The following TSPAN8 variants were observed in gnomAD, a reference collection of about 807,000 sequenced individuals.
TSPAN8 encodes tetraspanin 8.
In TSPAN8, 21 loss-of-function variants were observed where a neutral mutation model predicts 32.8. The ratio of observed to expected loss-of-function variants is 0.64; its 90% CI spans 0.45 to 0.92. TSPAN8 has a LOEUF of 0.92. TSPAN8 is among the 40% of genes least tolerant of loss of function. The pLI is 0.00. For synonymous variants in TSPAN8, 95 were observed against 94.6 expected, an observed-to-expected ratio of 1.00 and a Z score of -0.03; for missense variants, 269 against 281.9, an observed-to-expected ratio of 0.95 and a Z score of 0.33.
intron 6 of TSPAN8, among the ~76,000 whole-genome samples, chr12:71,135,522 G>GAA: frequency 1.5e-5 from 1 of 66,086 alleles, no homozygotes; most frequent in Non-Finnish European, 4.0e-5. Context: ...AGGAGAAGGA[G>GAA]GAGAAGGGGA....
intron 2 of TSPAN8, among the ~76,000 whole-genome samples, chr12:71,147,601 A>C (rs145285718): frequency 6.3e-4 from 96 of 152,356 alleles, no homozygotes; most frequent in African/African-American, 2.0e-3. Context: ...CTAACATACT[A>C]GGACTGTACT....
At chr12:71,149,776 T>C (rs1592409695) in intron 2 of TSPAN8, among the ~76,000 whole-genome samples, 1 of 152,200 alleles carries the variant, frequency 6.6e-6, no homozygotes, top group Non-Finnish European at 1.5e-5. Context: ...TATAAATTGA[T>C]TGTAAAACAT....
intron 2 of TSPAN8, among the ~76,000 whole-genome samples, chr12:71,152,612 TGAA>T (rs1482733705): frequency 4.6e-5 from 7 of 152,220 alleles, no homozygotes; most frequent in Non-Finnish European, 8.8e-5. Flanking sequence ...CAGCTACTGA[TGAA>T]GGAGCTGATG....
intron 7 of TSPAN8, among the ~76,000 whole-genome samples, chr12:71,130,849 G>T (rs564267689): frequency 1.3e-5 from 2 of 152,230 alleles, no homozygotes; most frequent in South Asian, 4.2e-4. Flanking sequence ...GGAAAAAAAA[G>T]AAATGTGAAT....
At chr12:71,141,406 C>T (rs1871900577) in intron 3 of TSPAN8, among the ~76,000 whole-genome samples, 1 of 152,328 alleles carries the variant, frequency 6.6e-6, no homozygotes, top group East Asian at 1.9e-4. Context: ...AGGAAACTAG[C>T]TCTATGGACT....
intron 2 of TSPAN8, among the ~76,000 whole-genome samples, chr12:71,150,450 T>G (rs1307102117): frequency 6.6e-6 from 1 of 152,162 alleles, no homozygotes; most frequent in African/African-American, 2.4e-5. Flanking sequence ...CCTTCCCCTT[T>G]TGAAATCCTT....
In TSPAN8 at chr12:71,125,213, C is replaced by G. The variant is rs1871312399; in HGVS notation, c.*121G>C. 2 of 768,536 alleles carry G rather than the reference C, an allele frequency of 2.6e-6. No individual in the cohort carries two copies. The highest frequency in any genetic ancestry group is 3.5e-5 in the African/African-American group (2 of 57,910). 47.6% of individuals were successfully genotyped at this position (768,536 alleles called of 1,614,324 possible). On this transcript the variant is annotated 3_prime_UTR_variant, in exon 9 of 9. Coordinates refer to ENST00000247829, the MANE Select transcript of TSPAN8 (RefSeq NM_004616.3). ...TAGAAGATATCTGTGGTCTAGCTAG[C>G]CGAGACATTTTAAAAAGACAGCTGC...
intron 2 of TSPAN8, among the ~76,000 whole-genome samples, chr12:71,145,781 G>A (rs1039898199): frequency 6.6e-6 from 1 of 151,868 alleles, no homozygotes; most frequent in Non-Finnish European, 1.5e-5. Context: ...ATCTTCTTTC[G>A]TTTTCTTCTC....
chr12:71,143,835 C>G (rs1338387895), intron 3 of TSPAN8, among the ~76,000 whole-genome samples: 1 of 151,998 alleles, frequency 6.6e-6, no homozygotes, highest in African/African-American at 2.4e-5. Flanking sequence ...CAATATAGGC[C>G]TTAAACAAAT....
chr12:71,126,962 T>C (rs947208347), intron 8 of TSPAN8, among the ~76,000 whole-genome samples: 2 of 152,100 alleles, frequency 1.3e-5, no homozygotes, highest in African/African-American at 2.4e-5. Flanking sequence ...AAGAATCCCT[T>C]AGGTATATAG....
chr12:71,133,817 T>C (rs1009100971), intron 6 of TSPAN8, among the ~76,000 whole-genome samples: 5 of 152,248 alleles, frequency 3.3e-5, no homozygotes, highest in African/African-American at 1.2e-4. Context: ...CATGATATTA[T>C]TAGATGGGAG....
chr12:71,131,712 C>T (rs897341456), intron 7 of TSPAN8, among the ~76,000 whole-genome samples: 5 of 73,544 alleles, frequency 6.8e-5, no homozygotes, highest in Non-Finnish European at 1.1e-4. Context: ...AAATGAAATA[C>T]TAATATCAAT....
chr12:71,135,706 G>A (rs1014961638), intron 6 of TSPAN8, among the ~76,000 whole-genome samples: 4 of 152,126 alleles, frequency 2.6e-5, no homozygotes, highest in Non-Finnish European at 5.9e-5. Flanking sequence ...CCCAGGATTG[G>A]CATGGAGACC....
intron 2 of TSPAN8, among the ~76,000 whole-genome samples, chr12:71,154,237 G>A (rs888984947): frequency 6.6e-6 from 1 of 151,718 alleles, no homozygotes; most frequent in African/African-American, 2.4e-5. Context: ...TAGAACCTGG[G>A]AAGCAGAGGC....
chr12:71,130,200 G>C (rs531361326), intron 7 of TSPAN8, among the ~76,000 whole-genome samples: 1 of 151,918 alleles, frequency 6.6e-6, no homozygotes, highest in Non-Finnish European at 1.5e-5. Context: ...GCAATCCACC[G>C]GCCTCAGCCT....
chr12:71,141,831 G>A (rs1159728432), intron 3 of TSPAN8, among the ~76,000 whole-genome samples: 1 of 152,188 alleles, frequency 6.6e-6, no homozygotes, highest in Admixed American at 6.5e-5. Context: ...CTTAGGACAA[G>A]GGGAGAATTT....
At chr12:71,126,145 G>GCAAAGTGACAATGGAGGGCAA (rs1871343594) in intron 8 of TSPAN8, among the ~76,000 whole-genome samples, 1 of 152,128 alleles carries the variant, frequency 6.6e-6, no homozygotes, top group Non-Finnish European at 1.5e-5. Context: ...CTTTTGAAGG[G>GCAAAGTGACAATGGAGGGCAA]AGGATGGAGG....
At chr12:71,152,036 T>C (rs1168016007) in intron 2 of TSPAN8, among the ~76,000 whole-genome samples, 1 of 152,236 alleles carries the variant, frequency 6.6e-6, no homozygotes, top group Admixed American at 6.5e-5. Context: ...GCAATTACGA[T>C]GTTTGGAATC....
chr12:71,157,329 T>A, intron 2 of TSPAN8: 1 of 324,086 alleles, frequency 3.1e-6, no homozygotes, highest in Non-Finnish European at 5.8e-6. Context: ...AGGAAAATTG[T>A]CCTTTAATTA....
Sources: gnomAD v4.1 joint callset for allele counts (sites outside exome capture counted in the v4.1 genomes callset) on GRCh38, gnomAD v4.1.1 for gene constraint, MANE v1.5 for transcripts, NCBI Gene and HGNC (gene_info 2026-07-23, HGNC 2026-07-21) for gene names.